The following FANCC variants were observed in gnomAD, a reference collection of about 807,000 sequenced individuals.
The protein encoded by FANCC is Fanconi anemia group C protein.
FANCC carries 55 observed loss-of-function variants against 71.3 expected under a neutral mutation model. The ratio of observed to expected loss-of-function variants is 0.77; its 90% confidence interval spans 0.62 to 0.97. The LOEUF (loss-of-function observed/expected upper bound fraction) is 0.97. Ranked by LOEUF, FANCC falls within the 50% of genes least tolerant of loss-of-function variation. The pLI, the probability that FANCC is intolerant of heterozygous loss-of-function variation, is 0.00. For synonymous variants in FANCC, 275 were observed against 244.9 expected (o/e 1.12, Z -1.15); for missense variants, 678 against 670.9 (o/e 1.01, Z -0.12).
chr9:95,154,699 C>T (rs1830361028), intron 6 of FANCC, among the ~76,000 whole-genome samples: 5 of 152,106 alleles, frequency 3.3e-5, no homozygotes, highest in East Asian at 1.9e-4. Flanking sequence ...ACTTCTTGGG[C>T]GTGCTTGCTC....
At chr9:95,120,905 A>AT (rs545666533) in intron 10 of FANCC, among the ~76,000 whole-genome samples, 116 of 151,796 alleles carry the variant, frequency 7.6e-4, no homozygotes, top group African/African-American at 2.7e-3. Context: ...TTACACTTCT[A>AT]TTTTTTGGCA....
chr9:95,194,884 T>C (rs1284988565), intron 4 of FANCC, among the ~76,000 whole-genome samples: 1 of 152,144 alleles, frequency 6.6e-6, no homozygotes, highest in Non-Finnish European at 1.5e-5. Flanking sequence ...CATATTATGC[T>C]TGGGGTAGCA....
intron 1 of FANCC, among the ~76,000 whole-genome samples, chr9:95,311,768 C>T (rs1835421295): frequency 6.6e-6 from 1 of 151,326 alleles, no homozygotes; most frequent in South Asian, 2.1e-4. Context: ...CTCAAACTGT[C>T]TTATGGGTAG....
intron 1 of FANCC, among the ~76,000 whole-genome samples, chr9:95,275,219 T>C (rs1163017499): frequency 1.3e-5 from 2 of 151,580 alleles, no homozygotes; most frequent in African/African-American, 2.4e-5. Flanking sequence ...AGGAGGTAGA[T>C]GTTGCAGTGA....
intron 4 of FANCC, among the ~76,000 whole-genome samples, chr9:95,204,218 C>CA (rs1166969794): frequency 6.6e-6 from 1 of 152,160 alleles, no homozygotes; most frequent in Non-Finnish European, 1.5e-5. Context: ...GAAGGAACCA[C>CA]AAAAAACAAT....
chr9:95,228,365 C>T (rs144507149), intron 4 of FANCC, among the ~76,000 whole-genome samples: 2 of 152,352 alleles, frequency 1.3e-5, no homozygotes, highest in African/African-American at 4.8e-5. Context: ...CTAGGTACCT[C>T]ATTCTCCAGC....
chr9:95,154,634 C>T (rs1564702313), intron 6 of FANCC, among the ~76,000 whole-genome samples: 1 of 152,064 alleles, frequency 6.6e-6, no homozygotes, highest in Non-Finnish European at 1.5e-5. Context: ...AGTTTTAAAG[C>T]ACAGCGAAAT....
intron 4 of FANCC, among the ~76,000 whole-genome samples, chr9:95,199,550 AG>A (rs779031729): frequency 1.3e-4 from 20 of 152,322 alleles, no homozygotes; most frequent in Admixed American, 7.2e-4. Context: ...TCTCGGTCTA[AG>A]GAAGTACTGA....
intron 1 of FANCC, among the ~76,000 whole-genome samples, chr9:95,269,916 C>T (rs1035768921): frequency 8.6e-5 from 13 of 151,996 alleles, no homozygotes; most frequent in Non-Finnish European, 2.9e-5. Context: ...TGGAGGATCC[C>T]GCCAGCCTCT....
intron 9 of FANCC, 63 bp from the exon 10 acceptor site, chr9:95,125,248 G>C: frequency 2.3e-6 from 3 of 1,333,062 alleles, no homozygotes; most frequent in Non-Finnish European, 3.2e-6. Context: ...ATGAAAACCT[G>C]CACTGTATAA....
chr9:95,157,608 G>A (rs1830520239), intron 6 of FANCC, among the ~76,000 whole-genome samples: 1 of 152,196 alleles, frequency 6.6e-6, no homozygotes, highest in Admixed American at 6.5e-5. Flanking sequence ...AAATTATTTG[G>A]AAGTGCTGCT....
intron 1 of FANCC, among the ~76,000 whole-genome samples, chr9:95,263,533 T>TATAGATATAG (rs1832194941): frequency 6.8e-6 from 1 of 147,254 alleles, no homozygotes; most frequent in East Asian, 2.0e-4. Flanking sequence ...TATATATAGA[T>TATAGATATAG]ATAGATAGAT....
chr9:95,166,813 C>G (rs1831094754), intron 6 of FANCC, among the ~76,000 whole-genome samples: 1 of 152,142 alleles, frequency 6.6e-6, no homozygotes, highest in Non-Finnish European at 1.5e-5. Flanking sequence ...GGAACCAATC[C>G]TCTCTGGATA....
At chr9:95,233,878 T>C (rs1011130542) in intron 4 of FANCC, among the ~76,000 whole-genome samples, 2 of 152,158 alleles carry the variant, frequency 1.3e-5, no homozygotes, top group African/African-American at 4.8e-5. Flanking sequence ...ATGTTATAGA[T>C]GGTCATGTGT....
chr9:95,191,326 C>G (rs1047855261), intron 4 of FANCC, among the ~76,000 whole-genome samples: 13 of 113,800 alleles, frequency 1.1e-4, no homozygotes. Flanking sequence ...CATCCTACTT[C>G]CTTTTTTTTT....
At chr9:95,263,191 G>A (rs539404911) in intron 1 of FANCC, among the ~76,000 whole-genome samples, 1 of 152,292 alleles carries the variant, frequency 6.6e-6, no homozygotes, top group Admixed American at 6.5e-5. Flanking sequence ...GGGGCCTGGA[G>A]AACATGCTGC....
intron 10 of FANCC, chr9:95,123,886 G>GT (rs1427154552): frequency 1.5e-5 from 8 of 517,562 alleles, no homozygotes; most frequent in Non-Finnish European, 2.9e-5. Flanking sequence ...AGTCCTTAAA[G>GT]TCTGAAGACG....
Position 95,249,272 on chromosome 9 carries a change from T to A in FANCC, c.20A>T (p.Asp7Val). 6.2e-7 allele frequency: 1 copy of A among 1,614,072 alleles called. No individual in the cohort carries two copies. The highest frequency in any genetic ancestry group is 8.5e-7 in the Non-Finnish European group (1 of 1,179,998). Residue 7 changes from aspartate to valine, a missense_variant, in exon 2 of 15, where the codon GAT (aspartate) becomes GTT (valine). By Grantham distance (152) the Asp-to-Val change is radical. Coordinates refer to ENST00000289081, the MANE Select transcript of FANCC (RefSeq NM_000136.3). ...CCAAAACTGATAATCACAAGAAAGA[T>A]CTACTGAATCTTGAGCCATCTTGGA... Reference protein sequence around the residue: MAQDSVDLSCDYQFWMQ... With the variant: MAQDSVVLSCDYQFWMQ...
chr9:95,126,483 G>A, intron 9 of FANCC, 46 bp downstream of exon 9: 1 of 1,565,484 alleles, frequency 6.4e-7, no homozygotes, highest in Non-Finnish European at 8.8e-7. Context: ...CTTGGAAATG[G>A]AACCTTTTTT....
Sources: allele counts gnomAD v4.1 joint callset (sites outside exome capture counted in the v4.1 genomes callset), GRCh38; gene constraint gnomAD v4.1.1; transcripts MANE v1.5; gene names NCBI Gene and HGNC (gene_info 2026-07-23, HGNC 2026-07-21).